Variants in PDZD2 observed in about 807,000 individuals in gnomAD.
PDZD2 encodes the protein PDZ domain-containing protein 2.
A neutral mutation model predicts 220.7 loss-of-function variants in PDZD2; 90 were observed. The ratio of observed to expected loss-of-function variants is 0.41; its 90% CI spans 0.34 to 0.49. The LOEUF is 0.49. Among genes scored for constraint, PDZD2 ranks in the 20% least tolerant of loss-of-function variants. PDZD2 has a pLI of 0.28. For missense variants in PDZD2, 3,174 were observed against 3,608.5 expected (o/e 0.88, Z 3.08); for synonymous variants, 1,375 against 1,450.5 (o/e 0.95, Z 1.18).
rs1163380607 is a variant in PDZD2, at chr5:32,109,580, C to G, written c.*1445C>G. 6.6e-6 allele frequency: 1 copy of G among 152,138 alleles called. No homozygotes were observed. Among genetic ancestry groups the G allele is most frequent in the African/African-American group, 2.4e-5 (1 of 41,412 alleles). 9.4% of individuals were successfully genotyped at this position (152,138 alleles called of 1,614,324 possible). ...AAAGAGGAGGAGAAACAGGGTGAGT[C>G]AAGGTAAAGGAGCAGAAATGTAGTT... On this transcript the variant is annotated 3_prime_UTR_variant, in exon 25 of 25. Transcript: ENST00000438447.
chr5:32,022,522 A>G (rs1174021864), intron 6 of PDZD2, among the ~76,000 whole-genome samples: 1 of 151,934 alleles, frequency 6.6e-6, no homozygotes, highest in Non-Finnish European at 1.5e-5. Context: ...TGTACTTTTC[A>G]TAGTCCCCTT....
intron 2 of PDZD2, among the ~76,000 whole-genome samples, chr5:31,897,077 G>T (rs1433255965): frequency 6.8e-6 from 1 of 147,262 alleles, no homozygotes; most frequent in African/African-American, 2.5e-5. Context: ...GATCTGGTGA[G>T]TTTTTTTTTT....
At chr5:32,099,598 AGATC>A (rs1744064723) in intron 23 of PDZD2, 1 of 152,270 alleles carries the variant, frequency 6.6e-6, no homozygotes, top group Non-Finnish European at 1.5e-5. Context: ...CTTGGTCATC[AGATC>A]TTGTCATGCT....
chr5:31,893,336 C>A (rs1390119026), intron 2 of PDZD2, among the ~76,000 whole-genome samples: 1 of 152,100 alleles, frequency 6.6e-6, no homozygotes, highest in African/African-American at 2.4e-5. Flanking sequence ...TTTGGGAGAC[C>A]AAGGTGGGCG....
At chr5:31,674,277 T>C (rs1309568930) in intron 1 of PDZD2, among the ~76,000 whole-genome samples, 2 of 152,078 alleles carry the variant, frequency 1.3e-5, no homozygotes, top group Non-Finnish European at 2.9e-5. Context: ...TAGTGAGAAA[T>C]GAGAAAAATC....
rs572767324 is a variant in PDZD2 at position 31,780,453 on chromosome 5, A to G, written c.-360-18436A>G. ...AGAAGGAGGAGTAAGTTTATTTTTG[A>G]TATTTCATCAACGAACATTAAAGTA... On this transcript the variant is annotated intron_variant, in intron 1 of 24. Transcript: ENST00000438447. Among the ~76,000 whole-genome samples, 219 of 152,278 alleles carry G rather than the reference A, an allele frequency of 1.4e-3. 1 individual carries two copies. Among genetic ancestry groups the G allele is most frequent in the Non-Finnish European group, 2.7e-3 (186 of 68,034 alleles).
chr5:31,677,191 C>T (rs976409097), intron 1 of PDZD2, among the ~76,000 whole-genome samples: 2 of 152,128 alleles, frequency 1.3e-5, no homozygotes, highest in South Asian at 2.1e-4. Flanking sequence ...CAAGCCGAGG[C>T]GGTGGGGAAT....
chr5:31,920,181 G>A (rs944711808), intron 2 of PDZD2, among the ~76,000 whole-genome samples: 1 of 152,024 alleles, frequency 6.6e-6, no homozygotes, highest in East Asian at 1.9e-4. Flanking sequence ...CTACTCGGGG[G>A]GCTAAGGTGG....
Position 32,088,396 on chromosome 5 carries a change from G to T in PDZD2, c.4948G>T (p.Ala1650Ser). ...GGTGGCCAGTCCCCGTGAGAAGGCC[G>T]CCTGCTTGCCAGGCTCATACACTTC... is the stretch of plus-strand genomic sequence containing the variant. Reference protein sequence around the residue: ...ESVASPREKAACLPGSYTSGP... With the variant: ...ESVASPREKASCLPGSYTSGP... The change falls in exon 20 of 25, where the codon GCC becomes TCC. Residue 1650 changes from alanine to serine, a missense_variant. This residue lies in a region of PDZD2 where 1,861 missense variants were observed against 2,001.0 expected (regional missense o/e 0.93). Transcript: ENST00000438447. This position sits in a 1 kb window ranked among gnomAD's most constrained non-coding sequence, Gnocchi z 4.6. 1 of 1,613,862 alleles carries T rather than the reference G, an allele frequency of 6.2e-7. No individual in the cohort carries two copies. The highest frequency in any genetic ancestry group is 8.5e-7 in the Non-Finnish European group (1 of 1,179,928).
At chr5:31,745,162 C>A (rs904871169) in intron 1 of PDZD2, among the ~76,000 whole-genome samples, 2 of 152,096 alleles carry the variant, frequency 1.3e-5, no homozygotes, top group African/African-American at 4.8e-5. Context: ...TGTCTCAGTG[C>A]CTTCTTTTTA....
chr5:31,936,400 A>G, intron 2 of PDZD2: 1 of 910,496 alleles, frequency 1.1e-6, no homozygotes, highest in Non-Finnish European at 1.3e-6. Flanking sequence ...TCTGAACACA[A>G]CTTACAGGTC....
At chr5:31,783,450 C>T (rs916216026) in intron 1 of PDZD2, among the ~76,000 whole-genome samples, 10 of 152,126 alleles carry the variant, frequency 6.6e-5, no homozygotes, top group East Asian at 3.8e-4. Context: ...CCTCCTCAGG[C>T]GAGAAGACTT....
At chr5:32,097,089 G>C (rs893128398) in intron 21 of PDZD2, among the ~76,000 whole-genome samples, 190 bp from the exon 22 acceptor site, 1 of 152,164 alleles carries the variant, frequency 6.6e-6, no homozygotes, top group Non-Finnish European at 1.5e-5. Context: ...GCTTCCCAGA[G>C]TGTTGGGATT....
intron 6 of PDZD2, among the ~76,000 whole-genome samples, chr5:32,015,719 A>C (rs13158012): frequency 0.34 from 52,244 of 152,104 alleles, 9,835 homozygotes; most frequent in African/African-American, 0.5. Context: ...TTTTCATGAG[A>C]AAAATCTATT....
chr5:31,801,071 A>G (rs1276039575), intron 2 of PDZD2, among the ~76,000 whole-genome samples: 2 of 152,226 alleles, frequency 1.3e-5, no homozygotes, highest in Non-Finnish European at 2.9e-5. Context: ...AGGGTGGAGA[A>G]GAATGGAGAT....
At chr5:31,775,682 T>TGTGTGTGA (rs1554073334) in intron 1 of PDZD2, among the ~76,000 whole-genome samples, 5 of 151,238 alleles carry the variant, frequency 3.3e-5, no homozygotes, top group African/African-American at 1.2e-4. Context: ...TGTGTGTGTG[T>TGTGTGTGA]GTGTGTGTGT....
intron 1 of PDZD2, among the ~76,000 whole-genome samples, chr5:31,737,109 T>C (rs1749907452): frequency 6.6e-6 from 1 of 151,856 alleles, no homozygotes; most frequent in African/African-American, 2.4e-5. Context: ...TATGCCCACT[T>C]ACACCTTAGC....
intron 4 of PDZD2, among the ~76,000 whole-genome samples, chr5:31,996,083 C>G (rs975918845): frequency 6.6e-6 from 1 of 152,144 alleles, no homozygotes; most frequent in Non-Finnish European, 1.5e-5. Context: ...GATCTTAACT[C>G]CCGTAAGACT....
At chr5:31,820,228 C>T (rs780821050) in intron 2 of PDZD2, among the ~76,000 whole-genome samples, 1 of 152,168 alleles carries the variant, frequency 6.6e-6, no homozygotes, top group Non-Finnish European at 1.5e-5. Flanking sequence ...TACAGTGTCC[C>T]CTTCTTAATT....
Sources: gnomAD v4.1 joint callset for allele counts (sites outside exome capture counted in the v4.1 genomes callset) on GRCh38, gnomAD v4.1.1 for gene constraint, gnomAD v4.1.1 regional missense constraint, Gnocchi (gnomAD v3.1) non-coding constraint, MANE v1.5 for transcripts, NCBI Gene and HGNC (gene_info 2026-07-23, HGNC 2026-07-21) for gene names.